VAV3: variants seen among roughly 807,000 people sequenced by gnomAD.
VAV3 encodes vav guanine nucleotide exchange factor 3.
In VAV3, 94 loss-of-function variants were observed where a neutral mutation model predicts 131.2. The observed-to-expected ratio is 0.72, with a 90% CI of 0.61 to 0.85. VAV3 has a LOEUF of 0.85. VAV3 is among the 40% of genes least tolerant of loss of function. The pLI is 0.00. For missense variants in VAV3, 939 were observed against 1,002.7 expected (o/e 0.94, Z 0.86); for synonymous variants, 349 against 342.0 (o/e 1.02, Z -0.22).
At chr1:107,841,083 G>C (rs977371794) in intron 2 of VAV3, among the ~76,000 whole-genome samples, 5 of 152,186 alleles carry the variant, frequency 3.3e-5, no homozygotes, top group African/African-American at 9.6e-5. Context: ...ACCAAAGGGA[G>C]ACCACTCAGG....
intron 19 of VAV3, among the ~76,000 whole-genome samples, chr1:107,658,960 C>A (rs563467117): frequency 2.0e-5 from 3 of 152,078 alleles, no homozygotes; most frequent in Non-Finnish European, 4.4e-5. Context: ...TTAATTAGAT[C>A]CCATTTGTCA....
chr1:107,713,313 A>T (rs573711776), intron 15 of VAV3, among the ~76,000 whole-genome samples: 1 of 152,272 alleles, frequency 6.6e-6, no homozygotes, highest in East Asian at 1.9e-4. Flanking sequence ...AGCAAACAAA[A>T]GATGGCTGGC....
chr1:107,881,061 T>C (rs1670749712), intron 1 of VAV3, among the ~76,000 whole-genome samples: 1 of 152,234 alleles, frequency 6.6e-6, no homozygotes, highest in Admixed American at 6.5e-5. Flanking sequence ...ATCCAGACAT[T>C]CTGGCTACAG....
chr1:107,941,516 G>A (rs922938965), intron 1 of VAV3, among the ~76,000 whole-genome samples: 5 of 152,104 alleles, frequency 3.3e-5, no homozygotes, highest in Non-Finnish European at 7.4e-5. Flanking sequence ...AACATCCTTC[G>A]GGGCCTGTGA....
chr1:107,896,215 A>T (rs1671563306), intron 1 of VAV3, among the ~76,000 whole-genome samples: 1 of 152,238 alleles, frequency 6.6e-6, no homozygotes, highest in African/African-American at 2.4e-5. Context: ...CATACTGGAC[A>T]TATATCAAAT....
intron 15 of VAV3, among the ~76,000 whole-genome samples, chr1:107,714,642 C>T (rs1045433081): frequency 2.6e-5 from 4 of 151,988 alleles, no homozygotes; most frequent in Non-Finnish European, 5.9e-5. Flanking sequence ...GTTCCCATAA[C>T]ACCATAGCAT....
chr1:107,882,215 A>G (rs1670817038), intron 1 of VAV3, among the ~76,000 whole-genome samples: 1 of 152,138 alleles, frequency 6.6e-6, no homozygotes, highest in Admixed American at 6.6e-5. Flanking sequence ...ACCTTCACAC[A>G]ATGTAGATTT....
Position 107,751,115 on chromosome 1 carries a change from AC to A in VAV3, c.1259+1del. 1 of 1,607,500 alleles carries A rather than the reference AC, an allele frequency of 6.2e-7. No homozygotes were observed. The highest frequency in any genetic ancestry group is 8.5e-7 in the Non-Finnish European group (1 of 1,178,212). Reference sequence around the variant, plus strand: ...TTGAAAATAGTATTCTTCTTTTCTTACCTTTCTTGTTTGGTATGCTTGTCTA... The same window carrying A: ...TTGAAAATAGTATTCTTCTTTTCTTACTTTCTTGTTTGGTATGCTTGTCTA... On this transcript the variant is annotated splice_donor_variant, in intron 13 of 26. Transcript: ENST00000370056. LOFTEE classifies it high-confidence loss of function.
intron 19 of VAV3, among the ~76,000 whole-genome samples, chr1:107,648,462 G>A (rs546087995): frequency 2.3e-4 from 35 of 152,032 alleles, no homozygotes; most frequent in African/African-American, 8.4e-4. Context: ...TGTTATACAT[G>A]TACATTTTAT....
intron 1 of VAV3, among the ~76,000 whole-genome samples, chr1:107,923,268 C>T (rs931057940): frequency 6.6e-6 from 1 of 152,134 alleles, no homozygotes; most frequent in Non-Finnish European, 1.5e-5. Context: ...ATGAGTCCCA[C>T]TGCATCAGGC....
chr1:107,909,834 A>C (rs141412135), intron 1 of VAV3, among the ~76,000 whole-genome samples: 281 of 152,312 alleles, frequency 1.8e-3, no homozygotes, highest in African/African-American at 6.6e-3. Flanking sequence ...AAATCTTTCT[A>C]ATCAGTGAAG....
intron 19 of VAV3, among the ~76,000 whole-genome samples, chr1:107,665,439 A>G (rs1298672822): frequency 2.0e-5 from 3 of 152,012 alleles, no homozygotes; most frequent in Non-Finnish European, 2.9e-5. Context: ...TAGGTAGACT[A>G]CTCCCATTGT....
intron 15 of VAV3, among the ~76,000 whole-genome samples, chr1:107,706,502 T>C (rs1660462547): frequency 6.6e-6 from 1 of 152,212 alleles, no homozygotes. Flanking sequence ...TCGGAAAATG[T>C]TCCACTGCAC....
chr1:107,866,458 A>G (rs12029201), intron 2 of VAV3, among the ~76,000 whole-genome samples: 11,862 of 152,202 alleles, frequency 0.078, 814 homozygotes, highest in East Asian at 0.38. Flanking sequence ...AAACACCTAG[A>G]AGACAATTTC....
At chr1:107,854,152 A>G (rs1284025092) in intron 2 of VAV3, among the ~76,000 whole-genome samples, 2 of 152,182 alleles carry the variant, frequency 1.3e-5, no homozygotes, top group African/African-American at 4.8e-5. Context: ...CTGCTAAAAA[A>G]TACAAAAATT....
chr1:107,729,956 G>T (rs973110588), intron 15 of VAV3, among the ~76,000 whole-genome samples: 2 of 152,106 alleles, frequency 1.3e-5, no homozygotes, highest in African/African-American at 4.8e-5. Context: ...TACAGATAGT[G>T]ATGTTACAGA....
At chr1:107,790,869 C>T (rs1404896571) in intron 2 of VAV3, among the ~76,000 whole-genome samples, 4 of 151,390 alleles carry the variant, frequency 2.6e-5, no homozygotes, top group African/African-American at 9.7e-5. Context: ...TGTATTTTTA[C>T]TAGAGACGGG....
Position 107,964,923 on chromosome 1 carries a change from GC to G in VAV3, c.-55del. 1 of 985,902 alleles carries G rather than the reference GC, an allele frequency of 1.0e-6. No homozygotes were observed. Among genetic ancestry groups the G allele is most frequent in the Non-Finnish European group, 1.2e-6 (1 of 828,770 alleles). The allele number at this position is 985,902 out of a possible 1,614,324, so 61.1% of individuals were successfully genotyped here. A position where few individuals can be genotyped will look rare whatever the true frequency, so the allele number is the denominator to read the frequency against. On this transcript the variant is annotated 5_prime_UTR_variant, in exon 1 of 27. Transcript: ENST00000370056. ...CGGGGCGGGCGGCAAGGATGCGGCC[GC>G]CGCCGCCGCCGCCGCGGTTCCTCCG...
intron 18 of VAV3, among the ~76,000 whole-genome samples, chr1:107,687,994 C>T (rs1026870719): frequency 6.6e-6 from 1 of 152,146 alleles, no homozygotes; most frequent in African/African-American, 2.4e-5. Context: ...AGATGAACAA[C>T]GTTAGAATTT....
Sources: gnomAD v4.1 joint callset for allele counts (sites outside exome capture counted in the v4.1 genomes callset) on GRCh38, gnomAD v4.1.1 for gene constraint, MANE v1.5 for transcripts, NCBI Gene and HGNC (gene_info 2026-07-23, HGNC 2026-07-21) for gene names.